Variants in ENTPD5 observed in about 807,000 individuals in gnomAD.
ENTPD5 encodes nucleoside diphosphate phosphatase ENTPD5.
A neutral mutation model predicts 60.2 loss-of-function variants in ENTPD5; 49 were observed. The ratio of observed to expected loss-of-function variants is 0.81; its 90% CI spans 0.65 to 1.03. The LOEUF is 1.03. Ranked by LOEUF, ENTPD5 falls within the 50% of genes least tolerant of loss-of-function variation. The probability of loss-of-function intolerance (pLI) is 0.00; values close to 1 mark genes in which losing one functional copy is unlikely to be tolerated. For missense variants in ENTPD5, 480 were observed against 507.6 expected (o/e 0.95, Z 0.52); for synonymous variants, 187 against 185.4 (o/e 1.01, Z -0.07).
At chr14:73,958,147 A>T, downstream of ENTPD5, 1 of 1,613,770 alleles carries the variant, frequency 6.2e-7, no homozygotes. Context: ...ACCTCCCCAG[A>T]CCGAGTGACG....
At chr14:73,984,288 G>A (rs1359131462) in intron 5 of ENTPD5, among the ~76,000 whole-genome samples, 1 of 152,200 alleles carries the variant, frequency 6.6e-6, no homozygotes, top group Admixed American at 6.6e-5. Context: ...TAGCCCTGTG[G>A]CCTAACTTAG....
chr14:73,962,237 C>T (rs961660220), downstream of ENTPD5, among the ~76,000 whole-genome samples: 2 of 152,046 alleles, frequency 1.3e-5, no homozygotes, highest in South Asian at 4.2e-4. Context: ...TGAGCCACTG[C>T]GGCTGGCCCA....
chr14:73,962,948 T>G (rs2056819718), downstream of ENTPD5: 5 of 1,583,836 alleles, frequency 3.2e-6, no homozygotes, highest in East Asian at 1.1e-4. Context: ...AAGAGTTTCA[T>G]TCACTTTTAT....
At chr14:73,997,696 G>A (rs749966292) in intron 3 of ENTPD5, among the ~76,000 whole-genome samples, 13 of 152,120 alleles carry the variant, frequency 8.5e-5, no homozygotes, top group Non-Finnish European at 1.8e-4. Context: ...CCTTATTTGA[G>A]GATATAACTT....
intron 3 of ENTPD5, among the ~76,000 whole-genome samples, chr14:73,993,965 T>C (rs2058243472): frequency 6.6e-6 from 1 of 151,270 alleles, no homozygotes; most frequent in Non-Finnish European, 1.5e-5. Context: ...GTCATACTAG[T>C]TGTTCAGTGT....
intron 3 of ENTPD5, among the ~76,000 whole-genome samples, chr14:73,997,774 G>A (rs2058383543): frequency 6.6e-6 from 1 of 152,112 alleles, no homozygotes; most frequent in Non-Finnish European, 1.5e-5. Context: ...GGTGGTGCAT[G>A]GTATCTTTTG....
chr14:73,961,042 G>T, downstream of ENTPD5: 1 of 1,047,102 alleles, frequency 9.6e-7, no homozygotes, highest in Non-Finnish European at 1.4e-6. Flanking sequence ...CTTATCACTT[G>T]TCAAGATCAG....
chr14:73,956,141 G>C (rs572871584), downstream of ENTPD5: 6 of 502,442 alleles, frequency 1.2e-5, no homozygotes, highest in South Asian at 1.8e-5. Flanking sequence ...TGGCTAACAT[G>C]GTGAAACCCT....
chr14:73,957,913 G>A, downstream of ENTPD5: 1 of 492,180 alleles, frequency 2.0e-6, no homozygotes, highest in African/African-American at 1.9e-5. Context: ...CAGTAAGAAA[G>A]AGTGCCTCTG....
At chr14:73,991,182 G>A (rs1371502015) in intron 3 of ENTPD5, among the ~76,000 whole-genome samples, 5 of 152,040 alleles carry the variant, frequency 3.3e-5, no homozygotes, top group Non-Finnish European at 7.4e-5. Context: ...AGTGCTTTTT[G>A]TTTTGGTGAT....
At chr14:73,983,286 G>C in intron 5 of ENTPD5, 125 bp from the exon 6 acceptor site, 3 of 973,286 alleles carry the variant, frequency 3.1e-6, no homozygotes, top group Non-Finnish European at 4.4e-6. Context: ...ACCTCTCTCT[G>C]CTCTGTAGCA....
intron 3 of ENTPD5, among the ~76,000 whole-genome samples, chr14:74,004,773 T>G (rs566825202): frequency 1.3e-5 from 2 of 152,100 alleles, no homozygotes; most frequent in Non-Finnish European, 2.9e-5. Flanking sequence ...GAAGCAGTAA[T>G]GTCTTTTATG....
intron 9 of ENTPD5, 34 bp from the exon 10 acceptor site, chr14:73,976,049 G>T (rs760137286): frequency 3.5e-5 from 54 of 1,546,644 alleles, no homozygotes; most frequent in Non-Finnish European, 4.5e-5. Context: ...GACTATTCAG[G>T]ATCTGTAATT....
chr14:74,017,187 G>A (rs1360482247), intron 1 of ENTPD5, among the ~76,000 whole-genome samples: 6 of 152,082 alleles, frequency 3.9e-5, no homozygotes, highest in Admixed American at 1.3e-4. Context: ...GCATGGTGGC[G>A]CATGCCTGGA....
downstream of ENTPD5, chr14:73,956,144 G>A (rs566271548): frequency 2.0e-6 from 1 of 494,400 alleles, no homozygotes; most frequent in East Asian, 4.5e-5. Flanking sequence ...CTAACATGGT[G>A]AAACCCTGTC....
At chr14:74,012,351 C>T (rs746661538) in intron 2 of ENTPD5, among the ~76,000 whole-genome samples, 1 of 152,116 alleles carries the variant, frequency 6.6e-6, no homozygotes, top group African/African-American at 2.4e-5. Context: ...AAGTGATCCA[C>T]CAGACTTCGC....
chr14:73,980,374 C>G (rs148330065), intron 6 of ENTPD5, among the ~76,000 whole-genome samples: 79 of 151,954 alleles, frequency 5.2e-4, no homozygotes, highest in African/African-American at 1.9e-3. Context: ...AAGCAATTCT[C>G]CTGCCTTAGC....
In ENTPD5 at chr14:73,973,894, T is replaced by C. The variant is rs768312009; in HGVS notation, c.869A>G (p.Tyr290Cys). 2 of 1,614,100 alleles carry C rather than the reference T, an allele frequency of 1.2e-6. No homozygotes were observed. Among genetic ancestry groups the C allele is most frequent in the South Asian group, 2.2e-5 (2 of 91,082 alleles). ...EWIFGGVKYQ[Y>C]GGNQEGEVGF... ...TCACTTGCCTTCTTGGTTGCCACCATACTGGTATTTCACACCCCCAAAGAT... is the reference window on the plus strand; with the variant it reads ...TCACTTGCCTTCTTGGTTGCCACCACACTGGTATTTCACACCCCCAAAGAT... The change falls in exon 12 of 16, where the codon TAT becomes TGT. Residue 290 changes from tyrosine to cysteine, a missense_variant. Tyr to Cys is a radical substitution (Grantham distance 194, BLOSUM62 -2). Transcript: ENST00000334696.
At chr14:74,015,958 A>C (rs1239029537) in intron 1 of ENTPD5, 28 bp from the exon 2 acceptor site, 1 of 152,204 alleles carries the variant, frequency 6.6e-6, no homozygotes, top group African/African-American at 2.4e-5. Context: ...TACAAAACCA[A>C]GTCAACAAAA....
Sources: gnomAD v4.1 joint callset for allele counts (sites outside exome capture counted in the v4.1 genomes callset) on GRCh38, gnomAD v4.1.1 for gene constraint, MANE v1.5 for transcripts, NCBI Gene and HGNC (gene_info 2026-07-23, HGNC 2026-07-21) for gene names.